The following ABCC8 variants were observed in gnomAD, a reference collection of about 807,000 sequenced individuals.
ABCC8 encodes the protein ATP-binding cassette sub-family C member 8.
A neutral mutation model predicts 188.0 loss-of-function variants in ABCC8; 137 were observed. The observed-to-expected ratio is 0.73, with a 90% CI of 0.63 to 0.84. ABCC8 has a LOEUF of 0.84. Ranked by LOEUF, ABCC8 falls within the 40% of genes least tolerant of loss-of-function variation. The pLI is 0.00. For synonymous variants in ABCC8, 797 were observed against 846.5 expected, an observed-to-expected ratio of 0.94 and a Z score of 1.01; for missense variants, 1,750 against 2,072.7, an observed-to-expected ratio of 0.84 and a Z score of 3.02.
intron 3 of ABCC8, 92 bp downstream of exon 3, chr11:17,470,009 T>C (rs1369269799): frequency 6.6e-7 from 1 of 1,506,132 alleles, no homozygotes; most frequent in Middle Eastern, 1.7e-4. Context: ...CTCTACTGTT[T>C]AGAGCAATAG....
chr11:17,460,361 G>T (rs1957139872), intron 6 of ABCC8, 127 bp downstream of exon 6: 2 of 1,425,626 alleles, frequency 1.4e-6, no homozygotes, highest in Non-Finnish European at 2.0e-6. Flanking sequence ...ATACTGCTAT[G>T]GGCTTTGCGC....
chr11:17,463,306 T>A lies in ABCC8; in HGVS notation c.579+132A>T, dbSNP rs77462644. ...TTTCCGCCACGGCCCCACTCCCCTT[T>A]ACACGGGCGGGTAAAACAAGCTGAT... On this transcript the variant is annotated intron_variant, in intron 4 of 38. Coordinates refer to ENST00000389817, the MANE Select transcript of ABCC8 (RefSeq NM_000352.6). 29,335 of 790,874 alleles carry A rather than the reference T, an allele frequency of 0.037. 690 individuals carry two copies. The highest frequency in any genetic ancestry group is 0.067 in the South Asian group (4,199 of 62,950). The allele number at this position is 790,874 out of a possible 1,614,324, so 49.0% of individuals were successfully genotyped here. A position where few individuals can be genotyped will look rare whatever the true frequency, so the allele number is the denominator to read the frequency against.
At chr11:17,421,198 T>G (rs2237989) in intron 16 of ABCC8, among the ~76,000 whole-genome samples, 26,821 of 152,186 alleles carry the variant, frequency 0.18, 2,471 homozygotes, top group South Asian at 0.29. Context: ...CACATCTGCA[T>G]GGGGCACCTG....
At chr11:17,435,299 A>T (rs79900871) in intron 10 of ABCC8, among the ~76,000 whole-genome samples, 1 of 152,080 alleles carries the variant, frequency 6.6e-6, no homozygotes. Flanking sequence ...CCTCACCCCC[A>T]GCCCCCAGGG....
chr11:17,410,791 A>C, intron 21 of ABCC8, 138 bp from the exon 22 acceptor site: 5 of 1,382,990 alleles, frequency 3.6e-6, no homozygotes, highest in Non-Finnish European at 5.0e-6. Context: ...GGCTTTGGAC[A>C]ACTCACCCAA....
chr11:17,457,100 T>C (rs1957022421), intron 6 of ABCC8, among the ~76,000 whole-genome samples: 1 of 152,144 alleles, frequency 6.6e-6, no homozygotes, highest in African/African-American at 2.4e-5. Flanking sequence ...AGCTAGTGAA[T>C]TGAAGGCAGG....
At chr11:17,441,483 G>A (rs1476441245) in intron 10 of ABCC8, among the ~76,000 whole-genome samples, 1 of 152,168 alleles carries the variant, frequency 6.6e-6, no homozygotes, top group Non-Finnish European at 1.5e-5. Flanking sequence ...TGTAACCTGT[G>A]CACTGAGTAA....
rs1295412055 is a variant in ABCC8, at chr11:17,476,808, A to G, written c.-32T>C. 1.3e-6 allele frequency: 2 copies of G among 1,503,454 alleles called. No individual in the cohort carries two copies. Among genetic ancestry groups the G allele is most frequent in the Admixed American group, 2.2e-5 (1 of 45,538 alleles). 93.1% of individuals were successfully genotyped at this position (1,503,454 alleles called of 1,614,324 possible). ...GCGGGCGCGGGCTGGGCTCGGGCTC[A>G]GCTGGCTCCGCTGGCTCCGCGCGCC... On this transcript the variant is annotated 5_prime_UTR_variant, in exon 1 of 39. Coordinates refer to ENST00000389817, the MANE Select transcript of ABCC8 (RefSeq NM_000352.6).
intron 14 of ABCC8, 168 bp downstream of exon 14, chr11:17,428,120 TG>T: frequency 2.6e-6 from 4 of 1,561,358 alleles, no homozygotes; most frequent in Middle Eastern, 1.8e-4. Flanking sequence ...TGCCTAAGGC[TG>T]GGGGTCCCCC....
chr11:17,398,482 T>C (rs753284772), intron 29 of ABCC8, 41 bp from the exon 30 acceptor site: 1 of 1,611,576 alleles, frequency 6.2e-7, no homozygotes, highest in South Asian at 1.1e-5. Flanking sequence ...ACAGTGTTGG[T>C]CCACATAGCT....
intron 7 of ABCC8, among the ~76,000 whole-genome samples, chr11:17,450,629 C>A (rs891147344): frequency 6.8e-6 from 1 of 147,786 alleles, no homozygotes; most frequent in African/African-American, 2.5e-5. Context: ...GATCTCCTGA[C>A]CTTGTGATCC....
At chr11:17,396,694 T>G in intron 33 of ABCC8, 1 of 593,726 alleles carries the variant, frequency 1.7e-6, no homozygotes, top group East Asian at 3.0e-5. Flanking sequence ...CCTTGGTGGA[T>G]GAGTGAGAAG....
rs1031222448 is a variant in ABCC8, at chr11:17,404,143, G to A, written c.3557+369C>T. Among the ~76,000 whole-genome samples the A allele has an allele frequency of 1.3e-5, 2 of 152,110 alleles. No homozygotes were observed. Among genetic ancestry groups the A allele is most frequent in the African/African-American group, 2.4e-5 (1 of 41,406 alleles). ...GTTATCATAACACTGCTTGAATCAG[G>A]TGCCCGCCGATTTCATGCATCAGCA... On this transcript the variant is annotated intron_variant, in intron 28 of 38. Coordinates refer to ENST00000389817, the MANE Select transcript of ABCC8 (RefSeq NM_000352.6). This position sits in a 1 kb window ranked among gnomAD's most constrained non-coding sequence, Gnocchi z 4.7.
chr11:17,450,317 T>C (rs1464690843), intron 7 of ABCC8, among the ~76,000 whole-genome samples: 1 of 125,872 alleles, frequency 7.9e-6, no homozygotes, highest in Non-Finnish European at 1.7e-5. Context: ...TTTCTTTCTT[T>C]CTTTCTTTCT....
At chr11:17,428,022 C>G in intron 14 of ABCC8, 80 bp from the exon 15 acceptor site, 2 of 1,587,012 alleles carry the variant, frequency 1.3e-6, no homozygotes, top group South Asian at 1.1e-5. Context: ...GCTTCCCCTC[C>G]TCCATGAAAG....
intron 31 of ABCC8, 164 bp downstream of exon 31, chr11:17,397,520 C>A: frequency 7.1e-7 from 1 of 1,412,070 alleles, no homozygotes; most frequent in Middle Eastern, 1.9e-4. Flanking sequence ...GGGGCCTGGG[C>A]CCTGGGGCCT....
At chr11:17,412,093 C>T (rs1421991341) in intron 21 of ABCC8, among the ~76,000 whole-genome samples, 6 of 151,970 alleles carry the variant, frequency 3.9e-5, no homozygotes, top group South Asian at 2.1e-4. Context: ...GGGGTTTCAC[C>T]GTGTTGGCCA....
intron 17 of ABCC8, among the ~76,000 whole-genome samples, chr11:17,416,279 T>C (rs2074316): frequency 0.17 from 25,928 of 152,088 alleles, 2,421 homozygotes; most frequent in South Asian, 0.34. Flanking sequence ...TTTGAGGGAC[T>C]CAGAGCCTCA....
chr11:17,434,984 C>CGCGCGTGTGTGTGTGTGTGT (rs71457876), intron 10 of ABCC8, among the ~76,000 whole-genome samples: 1 of 144,648 alleles, frequency 6.9e-6, no homozygotes, highest in Non-Finnish European at 1.5e-5. Context: ...CGTGTGTTCG[C>CGCGCGTGTGTGTGTGTGTGT]GTGTGTGTGT....
Sources: gnomAD v4.1 joint callset for allele counts (sites outside exome capture counted in the v4.1 genomes callset) on GRCh38, gnomAD v4.1.1 for gene constraint, Gnocchi (gnomAD v3.1) non-coding constraint, MANE v1.5 for transcripts, NCBI Gene and HGNC (gene_info 2026-07-23, HGNC 2026-07-21) for gene names.